Variants in STMN1 observed in about 807,000 individuals in gnomAD.
STMN1 encodes the protein stathmin 1.
A neutral mutation model predicts 19.7 loss-of-function variants in STMN1; 3 were observed. The observed-to-expected ratio is 0.15, with a 90% CI of 0.07 to 0.39. The LOEUF is 0.39. Ranked by LOEUF, STMN1 falls within the 10% of genes least tolerant of loss-of-function variation. STMN1 has a pLI of 1.00. For missense variants in STMN1, 99 were observed against 176.0 expected (o/e 0.56, Z 2.48); for synonymous variants, 59 against 58.9 (o/e 1.00, Z -0.01).
chr1:25,885,964 C>A, intron 4 of STMN1: 2 of 1,396,250 alleles, frequency 1.4e-6, no homozygotes, highest in South Asian at 3.4e-5. Context: ...AACAGTGGTT[C>A]TCAAACTTTG....
intron 3 of STMN1, 147 bp downstream of exon 3, chr1:25,903,494 A>G (rs889994760): frequency 2.7e-6 from 3 of 1,094,382 alleles, no homozygotes; most frequent in Admixed American, 2.4e-5. Context: ...GAGTTCAATA[A>G]ATGAGGACTG....
chr1:25,902,426 C>T (rs1450805664), intron 3 of STMN1: 1 of 152,218 alleles, frequency 6.6e-6, no homozygotes, highest in Non-Finnish European at 1.5e-5. Flanking sequence ...CTGTAGATTA[C>T]TATTTAAGAC....
At chr1:25,895,866 C>T (rs894361589), downstream of STMN1, among the ~76,000 whole-genome samples, 11 of 152,198 alleles carry the variant, frequency 7.2e-5, no homozygotes, top group African/African-American at 2.4e-4. Context: ...CCTTCATTTG[C>T]TTCTAGAAAA....
intron 4 of STMN1, among the ~76,000 whole-genome samples, chr1:25,889,486 T>G (rs2048753754): frequency 6.8e-6 from 1 of 147,034 alleles, no homozygotes; most frequent in Admixed American, 6.8e-5. Flanking sequence ...GCACCCCCCT[T>G]CACTCAGCTC....
At chr1:25,891,743 GC>G (rs889200826) in intron 4 of STMN1, among the ~76,000 whole-genome samples, 48 of 152,290 alleles carry the variant, frequency 3.2e-4, no homozygotes, top group African/African-American at 1.1e-3. Context: ...CAGGCTGTGA[GC>G]CCCCTGCTCT....
chr1:25,901,721 G>T (rs2048876477), intron 3 of STMN1, 39 bp from the exon 4 acceptor site: 5 of 1,570,612 alleles, frequency 3.2e-6, no homozygotes, highest in African/African-American at 1.4e-5. Flanking sequence ...ACTCTAAAAT[G>T]TATTCAGGCT....
At position 25,901,107 on chromosome 1, in the gene STMN1, T is replaced by C; in HGVS notation, c.379-20A>G. The C allele has an allele frequency of 6.7e-7, 1 of 1,499,134 alleles. No individual in the cohort carries two copies. Among genetic ancestry groups the C allele is most frequent in the Non-Finnish European group, 8.9e-7 (1 of 1,120,278 alleles). The allele number at this position is 1,499,134 out of a possible 1,614,324, so 92.9% of individuals were successfully genotyped here. A position where few individuals can be genotyped will look rare whatever the true frequency, so the allele number is the denominator to read the frequency against. Reference sequence around the variant, plus strand: ...CTTATCCTGTAAAGGAAGGGTAAGGTGTCATCAGTCAAAAAAAAAAAAAAA... The same window carrying C: ...CTTATCCTGTAAAGGAAGGGTAAGGCGTCATCAGTCAAAAAAAAAAAAAAA... On this transcript the variant is annotated intron_variant, in intron 4 of 4. Transcript: ENST00000455785.
At chr1:25,904,559 G>A in intron 2 of STMN1, 105 bp downstream of exon 2, 1 of 1,004,042 alleles carries the variant, frequency 1.0e-6, no homozygotes, top group Non-Finnish European at 1.5e-6. Flanking sequence ...ATAGGTTTTG[G>A]TAAGACCAAA....
At chr1:25,896,499 CTGTTT>C (rs2048819431), downstream of STMN1, among the ~76,000 whole-genome samples, 1 of 150,444 alleles carries the variant, frequency 6.6e-6, no homozygotes, top group Non-Finnish European at 1.5e-5. Context: ...CATTTCCTGT[CTGTTT>C]TTTCTTCCTA....
intron 3 of STMN1, chr1:25,902,693 G>A (rs2048889581): frequency 1.3e-5 from 2 of 152,200 alleles, no homozygotes; most frequent in South Asian, 4.1e-4. Context: ...TGACTACAGG[G>A]CCAGGGTTGA....
At chr1:25,893,365 T>A (rs938697358) in intron 4 of STMN1, among the ~76,000 whole-genome samples, 11 of 152,148 alleles carry the variant, frequency 7.2e-5, no homozygotes, top group Admixed American at 2.6e-4. Flanking sequence ...TTACAGGGCC[T>A]CTCAGGAGAC....
chr1:25,900,163 C>A lies in STMN1; in HGVS notation c.*853G>T, dbSNP rs2048854691. The A allele has an allele frequency of 1.0e-6, 1 of 985,704 alleles. No individual in the cohort carries two copies. The highest frequency in any genetic ancestry group is 6.2e-5 in the Admixed American group (1 of 16,246). 61.1% of individuals were successfully genotyped at this position (985,704 alleles called of 1,614,324 possible). A position where few individuals can be genotyped will look rare whatever the true frequency, so the allele number is the denominator to read the frequency against. On this transcript the variant is annotated 3_prime_UTR_variant, in exon 5 of 5. Transcript: ENST00000455785. ...TTTATTAATATTCTGATTCTCGTGTCATAGCTTTTATGGCAGGAAAGGATG... is the reference window on the plus strand; with the variant it reads ...TTTATTAATATTCTGATTCTCGTGTAATAGCTTTTATGGCAGGAAAGGATG...
In STMN1 at chr1:25,900,616, T is replaced by C; in HGVS notation, c.*400A>G. Reference sequence around the variant, plus strand: ...ACCATTCAAGTCCAGTAGCATCTGGTAAGATTGGGACAGAATTGGGATTGA... The same window carrying C: ...ACCATTCAAGTCCAGTAGCATCTGGCAAGATTGGGACAGAATTGGGATTGA... On this transcript the variant is annotated 3_prime_UTR_variant, in exon 5 of 5. Coordinates refer to ENST00000455785, the MANE Select transcript of STMN1 (RefSeq NM_005563.4). 1 of 992,166 alleles carries C rather than the reference T, an allele frequency of 1.0e-6. No individual in the cohort carries two copies. Among genetic ancestry groups the C allele is most frequent in the Non-Finnish European group, 1.2e-6 (1 of 834,300 alleles). 61.5% of individuals were successfully genotyped at this position (992,166 alleles called of 1,614,324 possible). A position where few individuals can be genotyped will look rare whatever the true frequency, so the allele number is the denominator to read the frequency against.
chr1:25,884,249 C>G (rs1338827323), downstream of STMN1: 1 of 152,134 alleles, frequency 6.6e-6, no homozygotes. Context: ...ACTTCACTGC[C>G]TGACTTCCTG....
Position 25,900,750 on chromosome 1 carries a change from A to C in STMN1, c.*266T>G. 7.8e-7 allele frequency: 1 copy of C among 1,277,554 alleles called. No individual in the cohort carries two copies. Among genetic ancestry groups the C allele is most frequent in the Non-Finnish European group, 9.9e-7 (1 of 1,011,016 alleles). 79.1% of individuals were successfully genotyped at this position (1,277,554 alleles called of 1,614,324 possible). On this transcript the variant is annotated 3_prime_UTR_variant, in exon 5 of 5. Coordinates refer to ENST00000455785, the MANE Select transcript of STMN1 (RefSeq NM_005563.4). ...ACAGTACTAGCCATTAACCCAGTAC[A>C]CCAAGTGTACTGAAGTAGAAAAGAT... is the stretch of plus-strand genomic sequence containing the variant.
intron 4 of STMN1, chr1:25,885,922 C>T: frequency 6.7e-7 from 1 of 1,497,288 alleles, no homozygotes; most frequent in Non-Finnish European, 8.9e-7. Context: ...GGCCAAGGGA[C>T]AGGAGGTGGA....
chr1:25,901,298 T>TG (rs1292282986), intron 4 of STMN1, 193 bp downstream of exon 4: 1 of 1,119,550 alleles, frequency 8.9e-7, no homozygotes, highest in Admixed American at 3.0e-5. Flanking sequence ...CCTACTGGAC[T>TG]TCCAAGGACT....
At chr1:25,887,414 G>A in intron 4 of STMN1, 1 of 356,304 alleles carries the variant, frequency 2.8e-6, no homozygotes. Context: ...AGGAAAGCCG[G>A]TGATGCTGAA....
chr1:25,898,073 T>C (rs1427123088), downstream of STMN1, among the ~76,000 whole-genome samples: 3 of 152,106 alleles, frequency 2.0e-5, no homozygotes, highest in Admixed American at 1.3e-4. Flanking sequence ...CTCCACTTTC[T>C]CTTCCTTAAA....
Sources: gnomAD v4.1 joint callset for allele counts (sites outside exome capture counted in the v4.1 genomes callset) on GRCh38, gnomAD v4.1.1 for gene constraint, MANE v1.5 for transcripts, NCBI Gene and HGNC (gene_info 2026-07-23, HGNC 2026-07-21) for gene names.